Variants in ANKK1 observed in about 807,000 individuals in gnomAD.
The protein encoded by ANKK1 is ankyrin repeat and protein kinase domain-containing protein 1.
Under a neutral mutation model 37.6 loss-of-function variants are expected in ANKK1, and 37 were observed. The observed-to-expected ratio is 0.98, with a 90% CI of 0.76 to 1.29. The LOEUF is 1.29. ANKK1 is among the 50% of genes most tolerant of loss of function. The pLI is 0.00. For synonymous variants in ANKK1, 415 were observed against 418.7 expected, an observed-to-expected ratio of 0.99 and a Z score of 0.11; for missense variants, 1,019 against 990.6, an observed-to-expected ratio of 1.03 and a Z score of -0.39.
At chr11:113,392,287 T>A (rs1160718376) in intron 1 of ANKK1, among the ~76,000 whole-genome samples, 2 of 152,228 alleles carry the variant, frequency 1.3e-5, no homozygotes, top group African/African-American at 4.8e-5. Context: ...CTTTTTTCCA[T>A]GCCATGGCAG....
rs766798510 is a variant in ANKK1, at chr11:113,399,575, G to C, written c.1606G>C (p.Glu536Gln). The change falls in exon 8 of 8, where the codon GAG becomes CAG. Residue 536 changes from glutamate (E) to glutamine (Q), a missense_variant. Transcript: ENST00000303941. ...NLRTPLHLAV[E>Q]RGKVRAIQHL... ...GAGAACACCACTGCACCTGGCAGTA[G>C]AGCGGGGCAAAGTGAGGGCCATCCA... The C allele has an allele frequency of 1.2e-6, 2 of 1,604,852 alleles. No homozygotes were observed. Among genetic ancestry groups the C allele is most frequent in the South Asian group, 1.1e-5 (1 of 89,122 alleles).
rs746286015 is a variant in ANKK1 at position 113,393,471 on chromosome 11, C to G, written c.186-10C>G. 2.5e-6 allele frequency: 4 copies of G among 1,603,750 alleles called. No individual in the cohort carries two copies. Among genetic ancestry groups the G allele is most frequent in the Non-Finnish European group, 2.6e-6 (3 of 1,173,162 alleles). ...CACCCCCTTCCATATCTTGCTCCCC[C>G]TCTCCATAGCTCTGATGTGAATTAC... On this transcript the variant is annotated splice_polypyrimidine_tract_variant and intron_variant, in intron 1 of 7. Coordinates refer to ENST00000303941, the MANE Select transcript of ANKK1 (RefSeq NM_178510.2).
intron 4 of ANKK1, among the ~76,000 whole-genome samples, chr11:113,395,741 GGCAACCTT>G (rs1950632401): frequency 1.3e-5 from 2 of 152,236 alleles, no homozygotes; most frequent in Middle Eastern, 3.4e-3. Flanking sequence ...AGGAAACTTG[GGCAACCTT>G]GCAACCTTGA....
At position 113,393,702 on chromosome 11, in the gene ANKK1, G is replaced by A. The variant is rs199783502; in HGVS notation, c.407G>A (p.Ser136Asn). Residue 136 changes from serine (S) to asparagine (N), a missense_variant, in exon 2 of 8, where the codon AGC (serine) becomes AAC (asparagine). Physicochemically the swap from Ser to Asn is conservative, Grantham distance 46 (BLOSUM62 1). Coordinates refer to ENST00000303941, the MANE Select transcript of ANKK1 (RefSeq NM_178510.2). ...ETSLAMNFLH[S>N]IKPPLLHLDL... ...AGCTTGGCCATGAACTTCCTGCACA[G>A]CATTAAGCCGCCTCTGCTCCACCTG... 1.2e-6 allele frequency: 2 copies of A among 1,613,810 alleles called. No individual in the cohort carries two copies. The highest frequency in any genetic ancestry group is 1.7e-5 in the Admixed American group (1 of 60,020).
chr11:113,397,626 T>A (rs1950650076), intron 6 of ANKK1, among the ~76,000 whole-genome samples: 1 of 152,232 alleles, frequency 6.6e-6, no homozygotes, highest in Non-Finnish European at 1.5e-5. Context: ...GCTTTCATGC[T>A]GTGGGTGTCA....
rs750249198 is a variant in ANKK1, at chr11:113,387,923, C to A, written c.39C>A (p.Leu13=). 4.5e-6 allele frequency: 7 copies of A among 1,568,640 alleles called. No homozygotes were observed. The Admixed American group carries it at 7.0e-5, about 16-fold the overall frequency. ...ADPTELRLGS[L]PVFTRDDFEG... is the part of the protein sequence containing the mutation. ...CCACCGAGCTGCGGCTGGGCAGCCT[C>A]CCCGTCTTCACCCGCGACGACTTCG... Residue 13 remains leucine (L), a synonymous_variant, in exon 1 of 8, where the codon CTC becomes CTA. Transcript: ENST00000303941.
chr11:113,397,133 G>A, intron 5 of ANKK1, 91 bp from the exon 6 acceptor site: 1 of 1,058,276 alleles, frequency 9.4e-7, no homozygotes, highest in Non-Finnish European at 1.4e-6. Flanking sequence ...TGGATTTTGG[G>A]AGACAGGAAT....
At chr11:113,388,173 G>T (rs1413497480) in intron 1 of ANKK1, 104 bp downstream of exon 1, 3 of 1,359,982 alleles carry the variant, frequency 2.2e-6, no homozygotes, top group Non-Finnish European at 2.9e-6. Context: ...GTTTGGGGCT[G>T]AGGACTGTCC....
rs537595518 is a variant in ANKK1 at position 113,389,947 on chromosome 11, T to G, written c.185+1878T>G. On this transcript the variant is annotated intron_variant, in intron 1 of 7. Coordinates refer to ENST00000303941, the MANE Select transcript of ANKK1 (RefSeq NM_178510.2). ...AGTGGATTCTGGTTAAGTTAGGAGA[T>G]TGTTATCTTCATTCTGATGAGAGAC... 2.0e-5 allele frequency among the ~76,000 whole-genome samples: 3 copies of G among 152,202 alleles called. No homozygotes were observed. The East Asian group carries it at 5.8e-4, about 29-fold the overall frequency.
rs780291642 is a variant in ANKK1 at position 113,395,042 on chromosome 11, G to A, written c.594G>A (p.Glu198=). 1.2e-5 allele frequency: 20 copies of A among 1,612,948 alleles called. No individual in the cohort carries two copies. The African/African-American group carries it at 2.5e-4, about 20-fold the overall frequency. ...LSYIPPEMFL[E]SNKAPGPKYD... is the part of the protein sequence containing the mutation. ...ACATCCCCCCTGAGATGTTCCTGGA[G>A]AGTAACAAGGCCCCAGGACCTAAAT... Residue 198 remains glutamate, a synonymous_variant, in exon 3 of 8, where the codon GAG becomes GAA. Transcript: ENST00000303941.
chr11:113,395,176 G>A lies in ANKK1; in HGVS notation c.632+96G>A, dbSNP rs911450822. The A allele has an allele frequency of 5.0e-5, 76 of 1,510,610 alleles. No individual in the cohort carries two copies. The African/African-American group carries it at 8.5e-4, about 17-fold the overall frequency. 93.6% of individuals were successfully genotyped at this position (1,510,610 alleles called of 1,614,324 possible). A position where few individuals can be genotyped will look rare whatever the true frequency, so the allele number is the denominator to read the frequency against. On this transcript the variant is annotated intron_variant, in intron 3 of 7. Transcript: ENST00000303941. Reference sequence around the variant, plus strand: ...TATGGCCCAAAGGGCAGGGCAGTGCGGGCATGAGGTCTGGCCCAAGGCGGA... The same window carrying A: ...TATGGCCCAAAGGGCAGGGCAGTGCAGGCATGAGGTCTGGCCCAAGGCGGA...
chr11:113,399,176 G>A lies in ANKK1; in HGVS notation c.1207G>A (p.Ala403Thr), dbSNP rs370140219. 55 of 1,598,988 alleles carry A rather than the reference G, an allele frequency of 3.4e-5. No homozygotes were observed. Among genetic ancestry groups the A allele is most frequent in the Admixed American group, 5.2e-5 (3 of 58,090 alleles). ...TGGATACACGCCCCTCCTGATCGCC[G>A]CCCAGGACCAGCAACCCGACCTCTG... is the stretch of plus-strand genomic sequence containing the variant. ...ASGYTPLLIA[A>T]QDQQPDLCAL... Residue 403 changes from alanine (A) to threonine (T), a missense_variant, in exon 8 of 8, where the codon GCC (alanine) becomes ACC (threonine). Physicochemically the swap from Ala to Thr is moderately conservative, Grantham distance 58 (BLOSUM62 0). Transcript: ENST00000303941.
chr11:113,389,860 G>A (rs1033445431), intron 1 of ANKK1, among the ~76,000 whole-genome samples: 6 of 152,212 alleles, frequency 3.9e-5, no homozygotes, highest in Non-Finnish European at 7.3e-5. Context: ...ACCAGGTAGC[G>A]GTGGTGACCA....
rs199995142 is a variant in ANKK1 at position 113,396,230 on chromosome 11, T to C, written c.838+8T>C. The C allele has an allele frequency of 4.3e-6, 7 of 1,613,284 alleles. No individual in the cohort carries two copies. Among genetic ancestry groups the C allele is most frequent in the African/African-American group, 4.0e-5 (3 of 75,000 alleles). The stretch of plus-strand genomic sequence containing the variant: ...AGAGGCCATGCTTTCTAGGTGCTTA[T>C]CCAGTGCCCCCTACCCAGGGACTGG... On this transcript the variant is annotated splice_region_variant and intron_variant, in intron 5 of 7. Coordinates refer to ENST00000303941, the MANE Select transcript of ANKK1 (RefSeq NM_178510.2).
chr11:113,395,442 A>T, intron 4 of ANKK1, 34 bp downstream of exon 4: 2 of 1,610,722 alleles, frequency 1.2e-6, no homozygotes, highest in Non-Finnish European at 1.7e-6. Context: ...TGTTGGGGGC[A>T]GGAGGACCCC....
chr11:113,388,449 C>T (rs1950563865), intron 1 of ANKK1, among the ~76,000 whole-genome samples: 1 of 152,148 alleles, frequency 6.6e-6, no homozygotes, highest in African/African-American at 2.4e-5. Flanking sequence ...TGCCATCCTC[C>T]TACCCACCCC....
Position 113,393,518 on chromosome 11 carries a change from A to G in ANKK1, c.223A>G (p.Met75Val), listed in dbSNP as rs1327570600. 6.2e-7 allele frequency: 1 copy of G among 1,613,720 alleles called. No individual in the cohort carries two copies. The highest frequency in any genetic ancestry group is 1.1e-5 in the South Asian group (1 of 91,062). Residue 75 changes from methionine to valine, a missense_variant, in exon 2 of 8, where the codon ATG becomes GTG. By Grantham distance (21) the Met-to-Val change is conservative. Coordinates refer to ENST00000303941, the MANE Select transcript of ANKK1 (RefSeq NM_178510.2). ...TTACCTCATTGAAGAAGCTGCCAAA[A>G]TGAAGAAGATCAAGTTTCAGCACAT... ...VNYLIEEAAK[M>V]KKIKFQHIVS...
chr11:113,396,357 T>C, intron 5 of ANKK1, 135 bp downstream of exon 5: 1 of 1,094,744 alleles, frequency 9.1e-7, no homozygotes, highest in Non-Finnish European at 1.3e-6. Context: ...TTTTTTTTTT[T>C]TTCAGAGACA....
intron 1 of ANKK1, among the ~76,000 whole-genome samples, chr11:113,389,210 A>G (rs978697702): frequency 1.3e-5 from 2 of 152,208 alleles, no homozygotes; most frequent in Non-Finnish European, 2.9e-5. Context: ...GATGGCAGTG[A>G]CATGATTACA....
Sources: gnomAD v4.1 joint callset for allele counts (sites outside exome capture counted in the v4.1 genomes callset) on GRCh38, gnomAD v4.1.1 for gene constraint, MANE v1.5 for transcripts, NCBI Gene and HGNC (gene_info 2026-07-23, HGNC 2026-07-21) for gene names.